Variants in GRK5 observed in about 807,000 individuals in gnomAD.
GRK5 encodes G protein-coupled receptor kinase 5.
GRK5 carries 40 observed loss-of-function variants against 78.4 expected under a neutral mutation model. That is an observed-to-expected ratio of 0.51 (90% confidence interval 0.40 to 0.66). The LOEUF is 0.66. Ranked by LOEUF, GRK5 falls within the 30% of genes least tolerant of loss-of-function variation. The probability of loss-of-function intolerance (pLI) is 0.00; values close to 1 mark genes in which losing one functional copy is unlikely to be tolerated. For synonymous variants in GRK5, 289 were observed against 296.8 expected, an observed-to-expected ratio of 0.97 and a Z score of 0.27; for missense variants, 598 against 759.9, an observed-to-expected ratio of 0.79 and a Z score of 2.50.
At chr10:119,450,764 G>A (rs540542830) in intron 13 of GRK5, among the ~76,000 whole-genome samples, 2 of 152,056 alleles carry the variant, frequency 1.3e-5, no homozygotes, top group Non-Finnish European at 2.9e-5. Flanking sequence ...AGCCTGACAA[G>A]GTGCACAGAG....
rs529927766 is a variant in GRK5, at chr10:119,393,957, G to A, written c.262-2738G>A. ...CTGTGGGTGTGTGGTGTTTGTGTGT[G>A]GGTGTCTGTGTGTAGGTGTGTGTGG... On this transcript the variant is annotated intron_variant, in intron 3 of 15. Coordinates refer to ENST00000392870, the MANE Select transcript of GRK5 (RefSeq NM_005308.3). Among the ~76,000 whole-genome samples the A allele has an allele frequency of 6.6e-4, 98 of 148,120 alleles. 2 individuals are homozygous for A. The highest frequency in any genetic ancestry group is 2.2e-3 in the African/African-American group (89 of 40,314).
intron 4 of GRK5, among the ~76,000 whole-genome samples, chr10:119,405,445 A>T (rs1374257014): frequency 6.6e-6 from 1 of 152,216 alleles, no homozygotes; most frequent in African/African-American, 2.4e-5. Context: ...GTTTCCACAC[A>T]AACGAAATCT....
intron 3 of GRK5, among the ~76,000 whole-genome samples, chr10:119,396,432 C>T (rs1852053998): frequency 1.3e-5 from 2 of 152,212 alleles, no homozygotes; most frequent in South Asian, 4.1e-4. Context: ...AGTGTTTGCT[C>T]AGGGCTCCCT....
intron 2 of GRK5, among the ~76,000 whole-genome samples, chr10:119,352,936 C>T (rs921828245): frequency 3.3e-5 from 5 of 152,216 alleles, no homozygotes; most frequent in African/African-American, 9.6e-5. Context: ...ACCCGGGCTC[C>T]GTCCTCCCTC....
chr10:119,251,757 GT>G (rs1849206345), intron 1 of GRK5, among the ~76,000 whole-genome samples: 1 of 152,208 alleles, frequency 6.6e-6, no homozygotes, highest in Non-Finnish European at 1.5e-5. Context: ...CGGCCTGTGC[GT>G]TGGATGATGT....
intron 15 of GRK5, among the ~76,000 whole-genome samples, chr10:119,454,351 C>G (rs1282025451): frequency 6.6e-6 from 1 of 152,182 alleles, no homozygotes; most frequent in Non-Finnish European, 1.5e-5. Flanking sequence ...CTGCCTGAAA[C>G]ATCAGGATAG....
intron 3 of GRK5, among the ~76,000 whole-genome samples, chr10:119,394,294 CTG>C (rs1851966007): frequency 5.0e-4 from 2 of 4,002 alleles, no homozygotes; most frequent in African/African-American, 1.2e-3. Context: ...GGGTGTGTAT[CTG>C]TGTGTCTGTG....
rs1849521345 is a variant in GRK5 at position 119,267,601 on chromosome 10, C to G, written c.53-58915C>G. 6.6e-6 allele frequency among the ~76,000 whole-genome samples: 1 copy of G among 152,174 alleles called. No homozygotes were observed. Among genetic ancestry groups the G allele is most frequent in the Non-Finnish European group, 1.5e-5 (1 of 68,038 alleles). ...CGGGCCCTGTTTTAGGGATTGAGGACATGGCAGGTAGATAGGCAATAAAAG... is the reference window on the plus strand; with the variant it reads ...CGGGCCCTGTTTTAGGGATTGAGGAGATGGCAGGTAGATAGGCAATAAAAG... On this transcript the variant is annotated intron_variant, in intron 1 of 15. Transcript: ENST00000392870. This position sits in a 1 kb window ranked among gnomAD's most constrained non-coding sequence, Gnocchi z 4.1.
intron 1 of GRK5, among the ~76,000 whole-genome samples, chr10:119,274,135 G>A (rs772157465): frequency 2.6e-5 from 4 of 152,158 alleles, no homozygotes; most frequent in Non-Finnish European, 5.9e-5. Flanking sequence ...GCAAAGCTTG[G>A]TTAGCCATCA....
At chr10:119,387,151 C>A (rs964128177) in intron 3 of GRK5, among the ~76,000 whole-genome samples, 1 of 152,072 alleles carries the variant, frequency 6.6e-6, no homozygotes, top group East Asian at 1.9e-4. Context: ...ATTACAGGTG[C>A]GCACCACCAC....
In GRK5 at chr10:119,289,008, GC is replaced by G. The variant is rs371981996; in HGVS notation, c.53-37506del. ...TATTTTTCAAGATTTCAAAAAACAT[GC>G]CTTTTCCCCCTCTGACCTTAAGCAA... On this transcript the variant is annotated intron_variant, in intron 1 of 15. Transcript: ENST00000392870. Among the ~76,000 whole-genome samples, 620 of 152,290 alleles carry G rather than the reference GC, an allele frequency of 4.1e-3. 5 individuals carry two copies. The highest frequency in any genetic ancestry group is 0.014 in the African/African-American group (588 of 41,554).
intron 1 of GRK5, 141 bp downstream of exon 1, chr10:119,208,110 C>A: frequency 2.7e-6 from 2 of 731,434 alleles, no homozygotes; most frequent in Non-Finnish European, 4.4e-6. Context: ...CTTCGGAGAG[C>A]GGCTCTGCAG....
intron 3 of GRK5, among the ~76,000 whole-genome samples, chr10:119,394,309 GGCAC>G (rs1564916987): frequency 3.8e-3 from 8 of 2,090 alleles, no homozygotes; most frequent in African/African-American, 8.5e-3. Context: ...TGTCTGTGTG[GGCAC>G]GTGGGTGTGT....
intron 11 of GRK5, among the ~76,000 whole-genome samples, chr10:119,443,030 A>G (rs1853069475): frequency 1.3e-5 from 2 of 152,166 alleles, no homozygotes; most frequent in African/African-American, 4.8e-5. Context: ...CTTGTGTGCA[A>G]ACCAGCACAT....
At chr10:119,313,259 G>A (rs1189484222) in intron 1 of GRK5, among the ~76,000 whole-genome samples, 2 of 150,474 alleles carry the variant, frequency 1.3e-5, no homozygotes, top group East Asian at 2.0e-4. Context: ...TGGTGGTGAT[G>A]GTGGTGGTAA....
rs1849458821 is a variant in GRK5, at chr10:119,264,374, A to G, written c.52+56405A>G. On this transcript the variant is annotated intron_variant, in intron 1 of 15. Coordinates refer to ENST00000392870, the MANE Select transcript of GRK5 (RefSeq NM_005308.3). The surrounding 1 kb of genome is among the most constrained non-coding windows in gnomAD (Gnocchi z 4.1). ...GAGTCCTGGGTGGGGCTCAAGTCCTACCATCTGGTGTTTGTCCTTCTCTGT... is the reference window on the plus strand; with the variant it reads ...GAGTCCTGGGTGGGGCTCAAGTCCTGCCATCTGGTGTTTGTCCTTCTCTGT... Among the ~76,000 whole-genome samples, 1 of 151,972 alleles carries G rather than the reference A, an allele frequency of 6.6e-6. No homozygotes were observed. The highest frequency in any genetic ancestry group is 6.5e-5 in the Admixed American group (1 of 15,274).
intron 1 of GRK5, among the ~76,000 whole-genome samples, chr10:119,222,428 C>T (rs1034211032): frequency 1.1e-4 from 17 of 152,190 alleles, no homozygotes; most frequent in African/African-American, 3.6e-4. Context: ...TTTGCCCTGT[C>T]TTTGATCTGG....
chr10:119,333,761 C>T (rs753036161), intron 2 of GRK5: 7 of 532,470 alleles, frequency 1.3e-5, no homozygotes, highest in Non-Finnish European at 3.8e-6. Context: ...AACATGCTGT[C>T]CACGGGGGAG....
intron 4 of GRK5, among the ~76,000 whole-genome samples, chr10:119,403,733 A>C (rs1220957498): frequency 2.0e-5 from 3 of 152,078 alleles, no homozygotes; most frequent in Non-Finnish European, 4.4e-5. Context: ...CCCCGGGTTC[A>C]AGTGATCCTC....
Sources: gnomAD v4.1 joint callset for allele counts (sites outside exome capture counted in the v4.1 genomes callset) on GRCh38, gnomAD v4.1.1 for gene constraint, Gnocchi (gnomAD v3.1) non-coding constraint, MANE v1.5 for transcripts, NCBI Gene and HGNC (gene_info 2026-07-23, HGNC 2026-07-21) for gene names.